Variants in TRIM24 observed in about 807,000 individuals in gnomAD.
TRIM24 encodes tripartite motif containing 24, also known as transcription intermediary factor 1-alpha.
A neutral mutation model predicts 123.9 loss-of-function variants in TRIM24; 29 were observed. The observed-to-expected ratio is 0.23, with a 90% CI of 0.17 to 0.32. TRIM24 has a LOEUF of 0.32. Ranked by LOEUF, TRIM24 falls within the 10% of genes least tolerant of loss-of-function variation. The pLI is 1.00. For synonymous variants in TRIM24, 456 were observed against 461.1 expected (o/e 0.99, Z 0.14); for missense variants, 932 against 1,295.3 (o/e 0.72, Z 4.31).
chr7:138,464,399 C>T (rs1034036385), intron 1 of TRIM24, among the ~76,000 whole-genome samples: 2 of 151,850 alleles, frequency 1.3e-5, no homozygotes, highest in African/African-American at 4.8e-5. Context: ...CAAGTAATAT[C>T]TATTACACAA....
intron 6 of TRIM24, among the ~76,000 whole-genome samples, chr7:138,530,668 C>T (rs1240853786): frequency 6.6e-6 from 1 of 151,408 alleles, no homozygotes; most frequent in Non-Finnish European, 1.5e-5. Context: ...GGTTTTGACA[C>T]GTTGGCTCAG....
intron 1 of TRIM24, among the ~76,000 whole-genome samples, chr7:138,484,084 G>T (rs538411332): frequency 6.6e-6 from 1 of 151,930 alleles, no homozygotes; most frequent in East Asian, 1.9e-4. Context: ...ATGTGTGTCT[G>T]TGAGTGTATC....
chr7:138,565,325 G>C (rs1377479293), intron 9 of TRIM24, among the ~76,000 whole-genome samples: 1 of 152,132 alleles, frequency 6.6e-6, no homozygotes, highest in African/African-American at 2.4e-5. Flanking sequence ...TTACACCCCG[G>C]GAGGTGATCA....
chr7:138,584,290 G>T (rs933310568), intron 18 of TRIM24, among the ~76,000 whole-genome samples: 2 of 152,082 alleles, frequency 1.3e-5, no homozygotes, highest in Admixed American at 6.5e-5. Flanking sequence ...TTATTTTTAT[G>T]TTGATCTTGA....
At position 138,492,273 on chromosome 7, in the gene TRIM24, CAAAAA is replaced by C. The variant is rs34380067; in HGVS notation, c.365-11996_365-11992del. On this transcript the variant is annotated intron_variant, in intron 1 of 18. Transcript: ENST00000343526. ...GGGCAACAGGATAATACTCTGTCTC[CAAAAA>C]AAAAAAAAAAAAAAAAAAAAGGGAA... Among the ~76,000 whole-genome samples, 11 of 60,008 alleles carry C rather than the reference CAAAAA, an allele frequency of 1.8e-4. No individual in the cohort carries two copies. The South Asian group carries it at 2.3e-3, about 12-fold the overall frequency. 39.4% of individuals were successfully genotyped at this position (60,008 alleles called of 152,430 possible).
intron 6 of TRIM24, among the ~76,000 whole-genome samples, chr7:138,529,981 G>A (rs1046792391): frequency 6.6e-6 from 1 of 152,060 alleles, no homozygotes; most frequent in African/African-American, 2.4e-5. Context: ...GGAAAAATAA[G>A]ACTTCTAGAA....
At chr7:138,466,461 TGC>T (rs1563020267) in intron 1 of TRIM24, among the ~76,000 whole-genome samples, 3 of 117,280 alleles carry the variant, frequency 2.6e-5, no homozygotes, top group Non-Finnish European at 3.5e-5. Flanking sequence ...AAACTTAAGT[TGC>T]TTTTTTTTTT....
At chr7:138,528,385 G>GC (rs966507125) in intron 5 of TRIM24, among the ~76,000 whole-genome samples, 91 of 152,270 alleles carry the variant, frequency 6.0e-4, no homozygotes, top group African/African-American at 1.9e-3. Context: ...ATTCCTTTGA[G>GC]CCCTAGCTTC....
rs552944332 is a variant in TRIM24, at chr7:138,546,442, T to C, written c.1144-4621T>C. The stretch of plus-strand genomic sequence containing the variant: ...ACTGCTGAAACTGTTGGCATTTGGA[T>C]GAAGTGTTTAAACTGGATGGCTGTG... On this transcript the variant is annotated intron_variant, in intron 7 of 18. Coordinates refer to ENST00000343526, the MANE Select transcript of TRIM24 (RefSeq NM_015905.3). Among the ~76,000 whole-genome samples, 6 of 152,338 alleles carry C rather than the reference T, an allele frequency of 3.9e-5. 1 individual carries two copies. The South Asian group carries it at 1.0e-3, about 26-fold the overall frequency.
chr7:138,510,402 G>GT (rs919327660), intron 2 of TRIM24, among the ~76,000 whole-genome samples: 3 of 151,786 alleles, frequency 2.0e-5, no homozygotes, highest in African/African-American at 7.2e-5. Context: ...TGTGTGTGTG[G>GT]TTTTTTTTGT....
chr7:138,478,106 T>C (rs1459344729), intron 1 of TRIM24, among the ~76,000 whole-genome samples: 1 of 152,162 alleles, frequency 6.6e-6, no homozygotes, highest in African/African-American at 2.4e-5. Context: ...ACATGTTTTA[T>C]TTATCAGATT....
Position 138,561,282 on chromosome 7 carries a change from T to C in TRIM24, c.1531-6199T>C, listed in dbSNP as rs575274347. On this transcript the variant is annotated intron_variant, in intron 9 of 18. Coordinates refer to ENST00000343526, the MANE Select transcript of TRIM24 (RefSeq NM_015905.3). ...CTTCCAATACAAAATTGCTTCCATC[T>C]GTAAAGTATTCAACATCTGGGTCCT... Among the ~76,000 whole-genome samples the C allele has an allele frequency of 7.3e-4, 111 of 152,300 alleles. 2 individuals carry two copies. Among genetic ancestry groups the C allele is most frequent in the African/African-American group, 2.2e-3 (90 of 41,582 alleles).
At chr7:138,559,425 G>T (rs1797380780) in intron 9 of TRIM24, among the ~76,000 whole-genome samples, 1 of 152,130 alleles carries the variant, frequency 6.6e-6, no homozygotes, top group Non-Finnish European at 1.5e-5. Flanking sequence ...CCCAGGAGGA[G>T]GTTGGATAAA....
chr7:138,497,773 C>A (rs1795945665), intron 1 of TRIM24, among the ~76,000 whole-genome samples: 1 of 152,180 alleles, frequency 6.6e-6, no homozygotes, highest in African/African-American at 2.4e-5. Context: ...TCACTGCAAC[C>A]TCTGCCTCCT....
rs1446149696 is a variant in TRIM24, at chr7:138,589,890, A to T, written c.*4939A>T. The T allele has an allele frequency of 6.6e-6, 1 of 152,200 alleles. No individual in the cohort carries two copies. The highest frequency in any genetic ancestry group is 1.5e-5 in the Non-Finnish European group (1 of 68,024). The allele number at this position is 152,200 out of a possible 1,614,324, so 9.4% of individuals were successfully genotyped here. ...AACAGATCTTTCATGGGGCCAACCT[A>T]TTTGCTTCCTTAATTTTCAAATTAA... On this transcript the variant is annotated 3_prime_UTR_variant, in exon 19 of 19. Coordinates refer to ENST00000343526, the MANE Select transcript of TRIM24 (RefSeq NM_015905.3).
At chr7:138,520,096 T>G (rs1028929548) in intron 4 of TRIM24, among the ~76,000 whole-genome samples, 3 of 152,110 alleles carry the variant, frequency 2.0e-5, no homozygotes, top group Non-Finnish European at 2.9e-5. Flanking sequence ...TGGGTTGGAG[T>G]TGGGGCTAAG....
chr7:138,533,819 A>G (rs982469930), intron 6 of TRIM24, among the ~76,000 whole-genome samples: 4 of 152,166 alleles, frequency 2.6e-5, no homozygotes, highest in Non-Finnish European at 4.4e-5. Flanking sequence ...CCTCTGGTAG[A>G]ATTTGGCTGA....
chr7:138,557,289 A>C (rs1007673075), intron 9 of TRIM24, among the ~76,000 whole-genome samples: 1 of 152,150 alleles, frequency 6.6e-6, no homozygotes, highest in Non-Finnish European at 1.5e-5. Flanking sequence ...TTTCGGCTTC[A>C]TTCCCCCCTT....
chr7:138,536,804 C>T (rs1039702502), intron 6 of TRIM24, among the ~76,000 whole-genome samples: 31 of 152,218 alleles, frequency 2.0e-4, no homozygotes, highest in Non-Finnish European at 4.3e-4. Flanking sequence ...CTATGCCCTG[C>T]CCCCAGAGGT....
Sources: allele counts gnomAD v4.1 joint callset (sites outside exome capture counted in the v4.1 genomes callset), GRCh38; gene constraint gnomAD v4.1.1; transcripts MANE v1.5; gene names NCBI Gene and HGNC (gene_info 2026-07-23, HGNC 2026-07-21).